The following RELN variants were observed in gnomAD, a reference collection of about 807,000 sequenced individuals.
The protein encoded by RELN is reelin.
RELN carries 108 observed loss-of-function variants against 427.6 expected under a neutral mutation model. That is an observed-to-expected ratio of 0.25 (90% confidence interval 0.22 to 0.30). The LOEUF (loss-of-function observed/expected upper bound fraction) is 0.30. RELN is among the 10% of genes least tolerant of loss of function. The pLI is 1.00. For missense variants in RELN, 3,715 were observed against 4,302.8 expected, an observed-to-expected ratio of 0.86 and a Z score of 3.82; for synonymous variants, 1,524 against 1,513.4, an observed-to-expected ratio of 1.01 and a Z score of -0.16.
Position 103,563,388 on chromosome 7 carries a change from GA to G in RELN, c.5211-1436del, listed in dbSNP as rs1830681265. Among the ~76,000 whole-genome samples the G allele has an allele frequency of 6.6e-6, 1 of 152,146 alleles. No individual in the cohort carries two copies. The highest frequency in any genetic ancestry group is 2.4e-5 in the African/African-American group (1 of 41,434). On this transcript the variant is annotated intron_variant, in intron 34 of 64. Coordinates refer to ENST00000428762, the MANE Select transcript of RELN (RefSeq NM_005045.4). This position sits in a 1 kb window ranked among gnomAD's most constrained non-coding sequence, Gnocchi z 4.1. ...TGTATTTTTGTGTCTAAGTTTTTAA[GA>G]AAGAAGTTTTCAAAGTTAAAGTTCT...
At chr7:103,678,943 T>G (rs1198042771) in intron 11 of RELN, among the ~76,000 whole-genome samples, 1 of 152,182 alleles carries the variant, frequency 6.6e-6, no homozygotes. Flanking sequence ...TTCGATTAAC[T>G]GAGCAGAGAA....
intron 64 of RELN, among the ~76,000 whole-genome samples, chr7:103,478,151 A>C (rs1165380931): frequency 2.0e-5 from 3 of 152,176 alleles, no homozygotes; most frequent in African/African-American, 7.2e-5. Flanking sequence ...ACTCTGGTCT[A>C]TGCTGTTGTG....
intron 2 of RELN, among the ~76,000 whole-genome samples, chr7:103,840,635 G>GA (rs1486021901): frequency 6.6e-6 from 1 of 152,178 alleles, no homozygotes; most frequent in African/African-American, 2.4e-5. Flanking sequence ...AGAGAACTCA[G>GA]AATCAGCTTC....
intron 6 of RELN, among the ~76,000 whole-genome samples, chr7:103,747,035 T>C (rs1028035478): frequency 2.6e-5 from 4 of 151,990 alleles, no homozygotes; most frequent in Admixed American, 6.6e-5. Flanking sequence ...CAATGATAGA[T>C]GGATTAAGAA....
intron 28 of RELN, 57 bp downstream of exon 28, chr7:103,589,539 G>T: frequency 9.1e-7 from 1 of 1,099,772 alleles, no homozygotes; most frequent in Non-Finnish European, 1.4e-6. Flanking sequence ...TAGGGTTATA[G>T]CATTTGGGAC....
intron 51 of RELN, chr7:103,504,476 G>C (rs1829141750): frequency 6.6e-6 from 1 of 152,210 alleles, no homozygotes; most frequent in Non-Finnish European, 1.5e-5. Context: ...CAAGATGGCT[G>C]AATAGGAACA....
intron 6 of RELN, among the ~76,000 whole-genome samples, chr7:103,747,195 C>T (rs494543): frequency 0.23 from 33,523 of 148,986 alleles, 5,086 homozygotes; most frequent in African/African-American, 0.44. Flanking sequence ...TTCTCACTCA[C>T]AGGTAGTAAT....
chr7:103,747,161 G>A (rs1483760627), intron 6 of RELN, among the ~76,000 whole-genome samples: 1 of 150,950 alleles, frequency 6.6e-6, no homozygotes, highest in Non-Finnish European at 1.5e-5. Flanking sequence ...ACTATCGCAA[G>A]GACAAAAAAC....
At chr7:103,546,969 G>A (rs1830311307) in intron 41 of RELN, among the ~76,000 whole-genome samples, 1 of 152,188 alleles carries the variant, frequency 6.6e-6, no homozygotes, top group Non-Finnish European at 1.5e-5. Context: ...TTGCTGATAA[G>A]TTAGCTCCTT....
At chr7:103,782,943 G>A (rs1791929181) in intron 3 of RELN, among the ~76,000 whole-genome samples, 1 of 152,118 alleles carries the variant, frequency 6.6e-6, no homozygotes, top group South Asian at 2.1e-4. Flanking sequence ...TTTTACAGCT[G>A]GAAGAGCATT....
chr7:103,962,033 CTG>C (rs925298389), intron 1 of RELN, among the ~76,000 whole-genome samples: 36 of 152,124 alleles, frequency 2.4e-4, no homozygotes, highest in African/African-American at 8.7e-4. Context: ...TTCTGAAAGA[CTG>C]TATTTCTTTT....
Position 103,614,150 on chromosome 7 carries a change from T to C in RELN, c.2703-2347A>G, listed in dbSNP as rs184447602. On this transcript the variant is annotated intron_variant, in intron 20 of 64. Transcript: ENST00000428762. ...ATAAAAATTACGTAAAATAATAGAT[T>C]AAATAAGCAAAATGAAGGCAGTTAA... Among the ~76,000 whole-genome samples, 7 of 152,232 alleles carry C rather than the reference T, an allele frequency of 4.6e-5. No individual in the cohort carries two copies. The East Asian group carries it at 1.3e-3, about 29-fold the overall frequency.
chr7:103,512,886 C>G (rs1457877302), intron 50 of RELN: 2 of 152,116 alleles, frequency 1.3e-5, no homozygotes, highest in Admixed American at 1.3e-4. Context: ...CTCAGAGGAT[C>G]CAGAGAAAAG....
At chr7:103,474,317 TAAA>T (rs1053042913) in intron 64 of RELN, among the ~76,000 whole-genome samples, 38 of 151,944 alleles carry the variant, frequency 2.5e-4, no homozygotes, top group African/African-American at 8.9e-4. Flanking sequence ...TTTTATAAAA[TAAA>T]AAAGGTACTA....
intron 3 of RELN, among the ~76,000 whole-genome samples, chr7:103,814,275 C>T (rs1340192345): frequency 6.6e-6 from 1 of 152,068 alleles, no homozygotes; most frequent in East Asian, 1.9e-4. Flanking sequence ...GAGTGGATGG[C>T]AACAGAGAGA....
rs769662791 is a variant in RELN at position 103,540,227 on chromosome 7, C to T, written c.6900G>A (p.Gly2300=). Residue 2300 remains glycine (G), a synonymous_variant, in exon 44 of 65, where the codon GGG becomes GGA. Transcript: ENST00000428762. The stretch of plus-strand genomic sequence containing the variant: ...CGATAACCCAGGGGCTGTAGAAGTG[C>T]CCATTCTCAGACGGTTGCCACCAGC... ...RLRWWQPSEN[G]HFYSPWVIDQ... The T allele has an allele frequency of 3.1e-6, 5 of 1,614,068 alleles. No homozygotes were observed. Among genetic ancestry groups the T allele is most frequent in the Admixed American group, 1.7e-5 (1 of 60,006 alleles).
intron 11 of RELN, among the ~76,000 whole-genome samples, chr7:103,676,926 T>C (rs1282982507): frequency 2.0e-5 from 3 of 151,774 alleles, no homozygotes; most frequent in Non-Finnish European, 2.9e-5. Flanking sequence ...CATTAGGAGA[T>C]ATATCTAATA....
Position 103,610,607 on chromosome 7 carries a change from A to G in RELN, c.3008+88T>C, listed in dbSNP as rs1357517025. On this transcript the variant is annotated intron_variant, in intron 22 of 64. Coordinates refer to ENST00000428762, the MANE Select transcript of RELN (RefSeq NM_005045.4). ...TGTGCTTAACTTGCCTTCATATTCA[A>G]GTCATACTTGAATCAATAGAGACAG... The G allele has an allele frequency of 9.8e-5, 76 of 779,340 alleles. 1 individual carries two copies. The highest frequency in any genetic ancestry group is 1.2e-4 in the Non-Finnish European group (53 of 427,256). 48.3% of individuals were successfully genotyped at this position (779,340 alleles called of 1,614,324 possible).
intron 1 of RELN, among the ~76,000 whole-genome samples, chr7:103,924,221 T>C (rs1373379115): frequency 3.9e-5 from 6 of 152,176 alleles, no homozygotes; most frequent in Non-Finnish European, 8.8e-5. Flanking sequence ...GGCTGCTCTG[T>C]AGAATGTACT....
Sources: allele counts gnomAD v4.1 joint callset (sites outside exome capture counted in the v4.1 genomes callset), GRCh38; gene constraint gnomAD v4.1.1; non-coding constraint Gnocchi (gnomAD v3.1); transcripts MANE v1.5; gene names NCBI Gene and HGNC (gene_info 2026-07-23, HGNC 2026-07-21).